RGS12: variants seen among roughly 807,000 people sequenced by gnomAD.
RGS12 encodes the protein regulator of G-protein signaling 12.
Under a neutral mutation model 120.1 loss-of-function variants are expected in RGS12, and 66 were observed. The observed-to-expected ratio is 0.55, with a 90% CI of 0.45 to 0.67. The LOEUF (loss-of-function observed/expected upper bound fraction) is 0.67. Ranked by LOEUF, RGS12 falls within the 30% of genes least tolerant of loss-of-function variation. The pLI is 0.00. For synonymous variants in RGS12, 827 were observed against 804.7 expected (o/e 1.03, Z -0.47); for missense variants, 1,859 against 1,957.7 (o/e 0.95, Z 0.95).
intron 4 of RGS12, among the ~76,000 whole-genome samples, chr4:3,409,331 A>G (rs13109976): frequency 0.27 from 41,766 of 152,208 alleles, 5,963 homozygotes; most frequent in East Asian, 0.5. Context: ...GTCATCATTT[A>G]CTGTTTAAAA....
At chr4:3,345,683 G>A (rs868287971) in intron 3 of RGS12, among the ~76,000 whole-genome samples, 1 of 152,200 alleles carries the variant, frequency 6.6e-6, no homozygotes, top group Non-Finnish European at 1.5e-5. Flanking sequence ...ATCTCAACGC[G>A]CTGGGCCAGC....
chr4:3,382,675 C>A (rs1212522803), intron 3 of RGS12, among the ~76,000 whole-genome samples: 1 of 152,202 alleles, frequency 6.6e-6, no homozygotes, highest in East Asian at 1.9e-4. Context: ...TTTCTCTGCC[C>A]ATCCCTCTGT....
chr4:3,416,049 C>T lies in RGS12; in HGVS notation c.2355C>T (p.Asp785=), dbSNP rs2109116562. Residue 785 remains aspartate (D), a synonymous_variant, in exon 7 of 18, where the codon GAC becomes GAT. Transcript: ENST00000336727. Reference sequence around the variant, plus strand: ...AAGCCACCACCCCGGTCAACATCGACAGCCAGGCCCAGCTAGCAGACGACG... The same window carrying T: ...AAGCCACCACCCCGGTCAACATCGATAGCCAGGCCCAGCTAGCAGACGACG... ...CSKATTPVNI[D]SQAQLADDVL... 1.2e-6 allele frequency: 2 copies of T among 1,614,106 alleles called. No homozygotes were observed. Among genetic ancestry groups the T allele is most frequent in the South Asian group, 1.1e-5 (1 of 91,066 alleles).
Position 3,293,108 on chromosome 4 carries a change from G to GCGGGGC in RGS12, c.-102+22_-102+27dup, listed in dbSNP as rs1045419070. 1.6e-4 allele frequency: 23 copies of GCGGGGC among 146,644 alleles called. No individual in the cohort carries two copies. Among genetic ancestry groups the GCGGGGC allele is most frequent in the East Asian group, 6.0e-4 (3 of 5,036 alleles). The allele number at this position is 146,644 out of a possible 1,614,324, so 9.1% of individuals were successfully genotyped here. On this transcript the variant is annotated intron_variant, in intron 1 of 17. Transcript: ENST00000336727. ...GCGAGCGGCGCGGCCCGGTAGGTGT[G>GCGGGGC]CGGGGCCGGGGCCGGGGCGGGGGCA...
intron 4 of RGS12, among the ~76,000 whole-genome samples, chr4:3,412,028 G>A (rs1225887169): frequency 6.6e-6 from 1 of 152,284 alleles, no homozygotes; most frequent in Admixed American, 6.5e-5. Context: ...CAGATCAACA[G>A]CATGGTGGAT....
rs1408893906 is a variant in RGS12, at chr4:3,316,831, T to C, written c.661T>C (p.Leu221=). Residue 221 remains leucine, a synonymous_variant, in exon 2 of 18, where the codon TTG becomes CTG. Coordinates refer to ENST00000336727, the MANE Select transcript of RGS12 (RefSeq NM_001394154.1). Reference sequence around the variant, plus strand: ...ACTAGAAAGTCATGACGATTTTGCATTGGATGCAAGTATTTTAAACGTGGC... The same window carrying C: ...ACTAGAAAGTCATGACGATTTTGCACTGGATGCAAGTATTTTAAACGTGGC... ...IGLESHDDFA[L]DASILNVAMI... is the part of the protein sequence containing the mutation. The C allele has an allele frequency of 2.2e-5, 36 of 1,614,052 alleles. No individual in the cohort carries two copies. The Admixed American group carries it at 4.0e-4, about 18-fold the overall frequency.
intron 1 of RGS12, among the ~76,000 whole-genome samples, chr4:3,302,980 GGTTGCCTGTTCGTA>G (rs1723769000): frequency 6.6e-6 from 1 of 152,216 alleles, no homozygotes; most frequent in African/African-American, 2.4e-5. Flanking sequence ...GACCGTCACT[GGTTGCCTGTTCGTA>G]GTTGCCCACC....
intron 16 of RGS12, 53 bp downstream of exon 16, chr4:3,428,764 C>A: frequency 6.8e-7 from 1 of 1,465,884 alleles, no homozygotes; most frequent in Non-Finnish European, 9.3e-7. Context: ...CAGTTAGTTT[C>A]CAGTATAGTC....
Position 3,390,060 on chromosome 4 carries a change from T to TG in RGS12, c.2020+3624dup, listed in dbSNP as rs1162394343. 5.3e-5 allele frequency among the ~76,000 whole-genome samples: 8 copies of TG among 152,148 alleles called. No individual in the cohort carries two copies. Among genetic ancestry groups the TG allele is most frequent in the Non-Finnish European group, 8.8e-5 (6 of 68,026 alleles). On this transcript the variant is annotated intron_variant, in intron 4 of 17. Coordinates refer to ENST00000336727, the MANE Select transcript of RGS12 (RefSeq NM_001394154.1). This position sits in a 1 kb window ranked among gnomAD's most constrained non-coding sequence, Gnocchi z 4.6. ...CTCCCTTCTCCTGAACGCTGGTGGT[T>TG]GCCCCCACAGCAGCAGCAGTGATCT... is the stretch of plus-strand genomic sequence containing the variant.
At chr4:3,319,868 C>G (rs1725063988) in intron 2 of RGS12, among the ~76,000 whole-genome samples, 1 of 152,246 alleles carries the variant, frequency 6.6e-6, no homozygotes. Context: ...TGGGCCTCAC[C>G]TCACTTCTCC....
intron 1 of RGS12, among the ~76,000 whole-genome samples, chr4:3,299,998 A>G (rs1311701144): frequency 6.6e-6 from 1 of 152,164 alleles, no homozygotes; most frequent in African/African-American, 2.4e-5. Flanking sequence ...TCACCCCCAC[A>G]GTCTTTTCTA....
Position 3,436,438 on chromosome 4 carries a change from T to A in RGS12, c.4115-3017T>A, listed in dbSNP as rs1724812834. 3.3e-5 allele frequency among the ~76,000 whole-genome samples: 5 copies of A among 151,884 alleles called. 1 individual carries two copies. Among genetic ancestry groups the A allele is most frequent in the African/African-American group, 1.2e-4 (5 of 41,398 alleles). On this transcript the variant is annotated intron_variant, in intron 17 of 17. Transcript: ENST00000336727. ...AGGTGGCTGCGCTTGGCAGCACAGA[T>A]GATGTGGAGCATGGAGGCAGAGGCT...
rs764394126 is a variant in RGS12, at chr4:3,430,912, G to T, written c.4071G>T (p.Pro1357=). ...DISSPNSTLL[P]PPSTPQEVPG... ...GCAGCCCCAACAGCACCTTGCTGCC[G>T]CCGCCCTCCACCCCCCAGGAAGTGC... The change falls in exon 17 of 18, where the codon CCG becomes CCT. Residue 1357 remains proline, a synonymous_variant. Coordinates refer to ENST00000336727, the MANE Select transcript of RGS12 (RefSeq NM_001394154.1). 2 of 1,612,708 alleles carry T rather than the reference G, an allele frequency of 1.2e-6. No homozygotes were observed. The highest frequency in any genetic ancestry group is 8.5e-7 in the Non-Finnish European group (1 of 1,179,926).
At position 3,423,633 on chromosome 4, in the gene RGS12, G is replaced by T. The variant is rs774069389; in HGVS notation, c.3226G>T (p.Val1076Leu). The change falls in exon 13 of 18, where the codon GTG (valine) becomes TTG (leucine). Residue 1076 changes from valine (V) to leucine (L), a missense_variant. Physicochemically the swap from Val to Leu is conservative, Grantham distance 32. Transcript: ENST00000336727. ...RYGLDLSGLL[V>L]RLSGEKEPLD... ...CGGCCTGGACCTCAGTGGCCTGCTG[G>T]TGAGGCTGGTGAGTGTTGCACGGGG... 39 of 1,607,344 alleles carry T rather than the reference G, an allele frequency of 2.4e-5. No individual in the cohort carries two copies. Among genetic ancestry groups the T allele is most frequent in the Non-Finnish European group, 3.1e-5 (37 of 1,179,200 alleles).
chr4:3,350,019 T>C (rs1217150193), intron 3 of RGS12, among the ~76,000 whole-genome samples: 1 of 152,244 alleles, frequency 6.6e-6, no homozygotes, highest in African/African-American at 2.4e-5. Flanking sequence ...AGGTTACTTA[T>C]GAAAACTGAG....
At position 3,317,046 on chromosome 4, in the gene RGS12, C is replaced by T. The variant is rs771376983; in HGVS notation, c.876C>T (p.Ala292=). 12 of 1,613,608 alleles carry T rather than the reference C, an allele frequency of 7.4e-6. No homozygotes were observed. The highest frequency in any genetic ancestry group is 3.3e-5 in the South Asian group (3 of 91,074). The change falls in exon 2 of 18, where the codon GCC becomes GCT. Residue 292 remains alanine, a synonymous_variant. Coordinates refer to ENST00000336727, the MANE Select transcript of RGS12 (RefSeq NM_001394154.1). ...QLSTDKAGVV[A]EYPAEKLAFS... The stretch of plus-strand genomic sequence containing the variant: ...GCACTGACAAGGCTGGAGTCGTGGC[C>T]GAGTACCCGGCCGAGAAGCTGGCCT...
chr4:3,410,456 C>G (rs948241373), intron 4 of RGS12, among the ~76,000 whole-genome samples: 1 of 148,274 alleles, frequency 6.7e-6, no homozygotes, highest in Non-Finnish European at 1.5e-5. Flanking sequence ...TGGTGCAGGG[C>G]GTGCCATTGT....
chr4:3,423,478 A>G lies in RGS12; in HGVS notation c.3108-37A>G, dbSNP rs1292291949. The G allele has an allele frequency of 5.0e-6, 8 of 1,610,970 alleles. No homozygotes were observed. The African/African-American group carries it at 1.1e-4, about 22-fold the overall frequency. On this transcript the variant is annotated intron_variant, in intron 12 of 17. Transcript: ENST00000336727. Reference sequence around the variant, plus strand: ...GAGACTGATCTCCTAATGAGGGCTGACATGAGTTGGTAGTGAATTTTTTCA... The same window carrying G: ...GAGACTGATCTCCTAATGAGGGCTGGCATGAGTTGGTAGTGAATTTTTTCA...
chr4:3,420,969 C>T (rs1257146932), intron 10 of RGS12, among the ~76,000 whole-genome samples: 4 of 152,248 alleles, frequency 2.6e-5, no homozygotes, highest in Non-Finnish European at 4.4e-5. Flanking sequence ...ATTAGTTATA[C>T]GAGGGAGGGA....
Sources: gnomAD v4.1 joint callset for allele counts (sites outside exome capture counted in the v4.1 genomes callset) on GRCh38, gnomAD v4.1.1 for gene constraint, Gnocchi (gnomAD v3.1) non-coding constraint, MANE v1.5 for transcripts, NCBI Gene and HGNC (gene_info 2026-07-23, HGNC 2026-07-21) for gene names.